Variants in ABCG4 observed in about 807,000 individuals in gnomAD.
The protein encoded by ABCG4 is ATP binding cassette subfamily G member 4.
In ABCG4, 35 loss-of-function variants were observed where a neutral mutation model predicts 64.6. That is an observed-to-expected ratio of 0.54 (90% CI 0.41 to 0.72). The LOEUF (loss-of-function observed/expected upper bound fraction) is 0.72, where lower values mean the gene tolerates loss of function less well. Ranked by LOEUF, ABCG4 falls within the 30% of genes least tolerant of loss-of-function variation. The probability of loss-of-function intolerance (pLI) is 0.00; values close to 1 mark genes in which losing one functional copy is unlikely to be tolerated. For missense variants in ABCG4, 610 were observed against 846.3 expected, an observed-to-expected ratio of 0.72 and a Z score of 3.46; for synonymous variants, 326 against 348.2, an observed-to-expected ratio of 0.94 and a Z score of 0.71.
intron 2 of ABCG4, 98 bp from the exon 3 acceptor site, chr11:119,153,928 C>A: frequency 2.0e-6 from 2 of 996,842 alleles, no homozygotes; most frequent in Non-Finnish European, 3.2e-6. Context: ...TGAGTAGGGG[C>A]TACCTATTTC....
Position 119,156,323 on chromosome 11 carries a change from G to A in ABCG4, c.687-6G>A, listed in dbSNP as rs999656373. The stretch of plus-strand genomic sequence containing the variant: ...CGTGGCCCCCTGGTGGCCTCTCTCT[G>A]GACAGTGGTCTGGATAGCGCCTCTT... On this transcript the variant is annotated splice_polypyrimidine_tract_variant and splice_region_variant and intron_variant, in intron 6 of 14. Transcript: ENST00000619701. The surrounding 1 kb of genome is among the most constrained non-coding windows in gnomAD (Gnocchi z 5.5). 6.2e-7 allele frequency: 1 copy of A among 1,614,172 alleles called. No individual in the cohort carries two copies. Among genetic ancestry groups the A allele is most frequent in the Non-Finnish European group, 8.5e-7 (1 of 1,180,032 alleles).
At position 119,149,904 on chromosome 11, in the gene ABCG4, G is replaced by A. The variant is rs570228821; in HGVS notation, c.-12-50G>A. 17 of 1,556,882 alleles carry A rather than the reference G, an allele frequency of 1.1e-5. No individual in the cohort carries two copies. The South Asian group carries it at 1.9e-4, about 17-fold the overall frequency. On this transcript the variant is annotated intron_variant, in intron 1 of 14. Transcript: ENST00000619701. The surrounding 1 kb of genome is among the most constrained non-coding windows in gnomAD (Gnocchi z 8.3). ...AAGCATTAGAACGCCAGGGAGCTTT[G>A]AGCCGGGCTCGGTGGTCTGCCCCAA...
Position 119,158,998 on chromosome 11 carries a change from C to A in ABCG4, c.1437+69C>A. On this transcript the variant is annotated intron_variant, in intron 12 of 14. Transcript: ENST00000619701. The surrounding 1 kb of genome is among the most constrained non-coding windows in gnomAD (Gnocchi z 4.5). Reference sequence around the variant, plus strand: ...TGCTCCTTCTATCCTTGCTTTCTTGCCTCCCTCAAACTTGTCACTTTCCTT... The same window carrying A: ...TGCTCCTTCTATCCTTGCTTTCTTGACTCCCTCAAACTTGTCACTTTCCTT... The A allele has an allele frequency of 6.8e-7, 1 of 1,480,132 alleles. No homozygotes were observed. Among genetic ancestry groups the A allele is most frequent in the Non-Finnish European group, 9.4e-7 (1 of 1,060,810 alleles). 91.7% of individuals were successfully genotyped at this position (1,480,132 alleles called of 1,614,324 possible).
In ABCG4 at chr11:119,149,239, C is replaced by G. The variant is rs1948156349; in HGVS notation, c.-137C>G. 6.6e-6 allele frequency: 1 copy of G among 151,384 alleles called. No individual in the cohort carries two copies. Among genetic ancestry groups the G allele is most frequent in the Non-Finnish European group, 1.5e-5 (1 of 67,750 alleles). 9.4% of individuals were successfully genotyped at this position (151,384 alleles called of 1,614,324 possible). On this transcript the variant is annotated 5_prime_UTR_variant, in exon 1 of 15. Coordinates refer to ENST00000619701, the MANE Select transcript of ABCG4 (RefSeq NM_022169.5). This position sits in a 1 kb window ranked among gnomAD's most constrained non-coding sequence, Gnocchi z 8.3. The stretch of plus-strand genomic sequence containing the variant: ...CCGGCCCCGCCCCGGCCCGGGCCGC[C>G]GGGACCGGGAGCCGGGACGCGGGTG...
In ABCG4 at chr11:119,154,174, A is replaced by G; in HGVS notation, c.356+31A>G. On this transcript the variant is annotated intron_variant, in intron 3 of 14. Transcript: ENST00000619701. The surrounding 1 kb of genome is among the most constrained non-coding windows in gnomAD (Gnocchi z 7.0). ...GAAGAGACTGGGGTGGAATGGAGGC[A>G]GGACTCAGGAAGAAGTATCCCTTGG... 6.2e-7 allele frequency: 1 copy of G among 1,613,678 alleles called. No individual in the cohort carries two copies. The highest frequency in any genetic ancestry group is 1.3e-5 in the African/African-American group (1 of 75,026).
rs762376380 is a variant in ABCG4 at position 119,161,011 on chromosome 11, C to G, written c.1846C>G (p.Leu616Val). The change falls in exon 15 of 15, where the codon CTC (leucine) becomes GTC (valine). Residue 616 changes from leucine (L) to valine (V), a missense_variant. Physicochemically the swap from Leu to Val is conservative, Grantham distance 32 (BLOSUM62 1). Coordinates refer to ENST00000619701, the MANE Select transcript of ABCG4 (RefSeq NM_022169.5). ...LRALDVEDAK[L>V]YMDFLVLGIF... Reference sequence around the variant, plus strand: ...AGCGCTGGATGTGGAGGATGCCAAGCTCTACATGGACTTCCTGGTCTTGGG... The same window carrying G: ...AGCGCTGGATGTGGAGGATGCCAAGGTCTACATGGACTTCCTGGTCTTGGG... 1 of 1,614,092 alleles carries G rather than the reference C, an allele frequency of 6.2e-7. No individual in the cohort carries two copies. The highest frequency in any genetic ancestry group is 8.5e-7 in the Non-Finnish European group (1 of 1,179,986).
chr11:119,154,892 C>G lies in ABCG4; in HGVS notation c.663C>G (p.Val221=), dbSNP rs776965085. The G allele has an allele frequency of 6.2e-7, 1 of 1,613,010 alleles. No individual in the cohort carries two copies. Among genetic ancestry groups the G allele is most frequent in the Non-Finnish European group, 8.5e-7 (1 of 1,179,048 alleles). The change falls in exon 6 of 15, where the codon GTC becomes GTG. Residue 221 remains valine, a synonymous_variant. Coordinates refer to ENST00000619701, the MANE Select transcript of ABCG4 (RefSeq NM_022169.5). The surrounding 1 kb of genome is among the most constrained non-coding windows in gnomAD (Gnocchi z 7.0). ...IALELVNNPP[V]MFFDEPTSGL... is the part of the protein sequence containing the mutation. The stretch of plus-strand genomic sequence containing the variant: ...TGGAGCTGGTCAACAACCCGCCTGT[C>G]ATGTTCTTTGATGAGCCCACCAGGT...
Position 119,160,708 on chromosome 11 carries a change from A to G in ABCG4, c.1715+52A>G. ...CCTCTGCTCCTCCCTGGAGGAGTCC[A>G]TACCCAGGGCTTCCTGGGTTGTGCC... On this transcript the variant is annotated intron_variant, in intron 14 of 14. Coordinates refer to ENST00000619701, the MANE Select transcript of ABCG4 (RefSeq NM_022169.5). The surrounding 1 kb of genome is among the most constrained non-coding windows in gnomAD (Gnocchi z 4.6). 6.4e-7 allele frequency: 1 copy of G among 1,557,272 alleles called. No individual in the cohort carries two copies. Among genetic ancestry groups the G allele is most frequent in the African/African-American group, 1.4e-5 (1 of 73,742 alleles).
intron 2 of ABCG4, among the ~76,000 whole-genome samples, chr11:119,152,318 C>T (rs940420787): frequency 6.6e-6 from 1 of 152,210 alleles, no homozygotes; most frequent in Non-Finnish European, 1.5e-5. Flanking sequence ...CCATGGGTAC[C>T]ATCCAGGCAG....
chr11:119,157,392 G>A (rs1426095950), intron 9 of ABCG4, among the ~76,000 whole-genome samples: 1 of 152,170 alleles, frequency 6.6e-6, no homozygotes, highest in East Asian at 1.9e-4. Flanking sequence ...AGGGTGATTG[G>A]GAGGACTAAT....
At position 119,157,027 on chromosome 11, in the gene ABCG4, G is replaced by A. The variant is rs376473210; in HGVS notation, c.1068+13G>A. 8.8e-6 allele frequency: 14 copies of A among 1,593,482 alleles called. No homozygotes were observed. In the Admixed American group the frequency reaches 1.2e-4, roughly 14 times the overall value. ...TCCTTGTCCTCCGGTGAGTAGGGGT[G>A]GAGAGGGCAGAGCAGGCATAGTTGG... On this transcript the variant is annotated intron_variant, in intron 9 of 14. Coordinates refer to ENST00000619701, the MANE Select transcript of ABCG4 (RefSeq NM_022169.5).
In ABCG4 at chr11:119,155,390, C is replaced by T. The variant is rs1453357659; in HGVS notation, c.686+475C>T. Among the ~76,000 whole-genome samples, 4 of 152,174 alleles carry T rather than the reference C, an allele frequency of 2.6e-5. No individual in the cohort carries two copies. Among genetic ancestry groups the T allele is most frequent in the Non-Finnish European group, 2.9e-5 (2 of 68,032 alleles). On this transcript the variant is annotated intron_variant, in intron 6 of 14. Transcript: ENST00000619701. This position sits in a 1 kb window ranked among gnomAD's most constrained non-coding sequence, Gnocchi z 4.5. Reference sequence around the variant, plus strand: ...AGGCTGGAGTGCAGTGGCACAATCTCGGCTCACTGCAACCTCTGACTCCCG... The same window carrying T: ...AGGCTGGAGTGCAGTGGCACAATCTTGGCTCACTGCAACCTCTGACTCCCG...
At position 119,155,044 on chromosome 11, in the gene ABCG4, C is replaced by T. The variant is rs1948248141; in HGVS notation, c.686+129C>T. On this transcript the variant is annotated intron_variant, in intron 6 of 14. Coordinates refer to ENST00000619701, the MANE Select transcript of ABCG4 (RefSeq NM_022169.5). This position sits in a 1 kb window ranked among gnomAD's most constrained non-coding sequence, Gnocchi z 4.5. ...CCTCCTGGGGCCAAGATAAGGGCTT[C>T]TTCCTCATCTCCACCCTTGCCAATT... 7.7e-7 allele frequency: 1 copy of T among 1,301,904 alleles called. No individual in the cohort carries two copies. The highest frequency in any genetic ancestry group is 1.5e-5 in the African/African-American group (1 of 67,824). The allele number at this position is 1,301,904 out of a possible 1,614,324, so 80.6% of individuals were successfully genotyped here.
chr11:119,157,440 A>T (rs1219851255), intron 9 of ABCG4, among the ~76,000 whole-genome samples: 2 of 152,260 alleles, frequency 1.3e-5, no homozygotes, highest in African/African-American at 4.8e-5. Flanking sequence ...TGTAGCTGGT[A>T]CAGCAGGCGT....
At chr11:119,151,107 T>G (rs1948188748) in intron 2 of ABCG4, among the ~76,000 whole-genome samples, 1 of 152,234 alleles carries the variant, frequency 6.6e-6, no homozygotes, top group Non-Finnish European at 1.5e-5. Flanking sequence ...GCTGAACCAA[T>G]GGAAACTGAG....
At chr11:119,152,804 T>C (rs1398449673) in intron 2 of ABCG4, 1 of 152,214 alleles carries the variant, frequency 6.6e-6, no homozygotes, top group Non-Finnish European at 1.5e-5. Flanking sequence ...AAGGCTTAGC[T>C]CAAACGCCAC....
Position 119,161,393 on chromosome 11 carries a change from G to A in ABCG4, c.*287G>A. 2 of 324,512 alleles carry A rather than the reference G, an allele frequency of 6.2e-6. No homozygotes were observed. Among genetic ancestry groups the A allele is most frequent in the Non-Finnish European group, 1.2e-5 (2 of 173,798 alleles). The allele number at this position is 324,512 out of a possible 1,614,324, so 20.1% of individuals were successfully genotyped here. A position where few individuals can be genotyped will look rare whatever the true frequency, so the allele number is the denominator to read the frequency against. ...TGCATGCAAAGACTACTGGGAGGCT[G>A]CTGCCTCCTTCCTGCCCATGGCACC... On this transcript the variant is annotated 3_prime_UTR_variant, in exon 15 of 15. Transcript: ENST00000619701.
Position 119,158,478 on chromosome 11 carries a change from C to T in ABCG4, c.1168-79C>T, listed in dbSNP as rs772962506. 28 of 1,593,568 alleles carry T rather than the reference C, an allele frequency of 1.8e-5. No individual in the cohort carries two copies. Among genetic ancestry groups the T allele is most frequent in the East Asian group, 4.5e-5 (2 of 44,736 alleles). ...GTCTCTGTGCCTGTGAGGGCAGCTC[C>T]GAGTTCCTACTCCAAGTCTACTCTG... On this transcript the variant is annotated intron_variant, in intron 10 of 14. Coordinates refer to ENST00000619701, the MANE Select transcript of ABCG4 (RefSeq NM_022169.5). This position sits in a 1 kb window ranked among gnomAD's most constrained non-coding sequence, Gnocchi z 4.5.
In ABCG4 at chr11:119,156,961, A is replaced by C; in HGVS notation, c.1015A>C (p.Lys339Gln). 6.2e-7 allele frequency: 1 copy of C among 1,613,916 alleles called. No homozygotes were observed. The highest frequency in any genetic ancestry group is 2.2e-5 in the East Asian group (1 of 44,880). Residue 339 changes from lysine (K) to glutamine (Q), a missense_variant, in exon 9 of 15, where the codon AAG becomes CAG. By Grantham distance (53) the Lys-to-Gln change is moderately conservative (BLOSUM62 1). Transcript: ENST00000619701. The surrounding 1 kb of genome is among the most constrained non-coding windows in gnomAD (Gnocchi z 5.5). ...QNGLCAMAEK[K>Q]SSPEKNEVPA... ...TGGGCTGTGCGCTATGGCTGAGAAG[A>C]AGAGCAGCCCTGAGAAGAACGAGGT...
Sources: allele counts gnomAD v4.1 joint callset (sites outside exome capture counted in the v4.1 genomes callset), GRCh38; gene constraint gnomAD v4.1.1; non-coding constraint Gnocchi (gnomAD v3.1); transcripts MANE v1.5; gene names NCBI Gene and HGNC (gene_info 2026-07-23, HGNC 2026-07-21).